Variants in WDR70 observed in about 807,000 individuals in gnomAD.
The protein encoded by WDR70 is WD repeat domain 70, also known as WD repeat-containing protein 70.
Under a neutral mutation model 88.6 loss-of-function variants are expected in WDR70, and 53 were observed. The observed-to-expected ratio is 0.60, with a 90% CI of 0.48 to 0.75. The LOEUF (loss-of-function observed/expected upper bound fraction) is 0.75. WDR70 is among the 30% of genes least tolerant of loss of function. The pLI is 0.00. For synonymous variants in WDR70, 280 were observed against 270.0 expected (o/e 1.04, Z -0.36); for missense variants, 610 against 823.2 (o/e 0.74, Z 3.17).
At chr5:37,686,435 G>A (rs1307620122) in intron 10 of WDR70, among the ~76,000 whole-genome samples, 1 of 151,854 alleles carries the variant, frequency 6.6e-6, no homozygotes, top group South Asian at 2.1e-4. Flanking sequence ...CAGGACCCAT[G>A]AGTAGTTGTT....
At chr5:37,567,716 A>T (rs1742784384) in intron 9 of WDR70, among the ~76,000 whole-genome samples, 1 of 151,764 alleles carries the variant, frequency 6.6e-6, no homozygotes, top group Admixed American at 6.6e-5. Context: ...GGGAGGGGGG[A>T]GATTTTTTTA....
At chr5:37,511,654 T>C (rs1029155077) in intron 8 of WDR70, among the ~76,000 whole-genome samples, 3 of 152,200 alleles carry the variant, frequency 2.0e-5, no homozygotes, top group African/African-American at 7.2e-5. Context: ...TATATACATA[T>C]ACAACAATTT....
chr5:37,574,714 G>GT (rs1390835561), intron 9 of WDR70, among the ~76,000 whole-genome samples: 1 of 152,222 alleles, frequency 6.6e-6, no homozygotes, highest in East Asian at 1.9e-4. Context: ...AAAACTCTTG[G>GT]TTTTCTTCTC....
At chr5:37,477,220 CTG>C (rs1425915290) in intron 7 of WDR70, among the ~76,000 whole-genome samples, 2 of 152,100 alleles carry the variant, frequency 1.3e-5, no homozygotes, top group Non-Finnish European at 2.9e-5. Context: ...CTGGAGAATT[CTG>C]TGTAGTATCT....
chr5:37,729,869 T>C (rs1462148181), intron 17 of WDR70, among the ~76,000 whole-genome samples: 3 of 152,140 alleles, frequency 2.0e-5, no homozygotes, highest in African/African-American at 7.2e-5. Flanking sequence ...CCTGCTCCCT[T>C]TTCCTATTCC....
At chr5:37,432,442 G>A (rs1166232200) in intron 5 of WDR70, among the ~76,000 whole-genome samples, 1 of 152,208 alleles carries the variant, frequency 6.6e-6, no homozygotes, top group Non-Finnish European at 1.5e-5. Flanking sequence ...AGGCTGGAGT[G>A]CAGTGGCGTG....
At chr5:37,745,012 G>T (rs1211636131) in intron 17 of WDR70, among the ~76,000 whole-genome samples, 3 of 151,986 alleles carry the variant, frequency 2.0e-5, no homozygotes, top group African/African-American at 7.3e-5. Flanking sequence ...ACTGTTAAGG[G>T]CAGCCAGAGA....
At chr5:37,496,586 A>G (rs527618013) in intron 8 of WDR70, among the ~76,000 whole-genome samples, 3 of 152,340 alleles carry the variant, frequency 2.0e-5, no homozygotes, top group East Asian at 3.9e-4. Context: ...GTCTTCTGCA[A>G]TAGGGGTAGT....
chr5:37,706,608 T>C (rs1475357935), intron 13 of WDR70, among the ~76,000 whole-genome samples: 1 of 152,138 alleles, frequency 6.6e-6, no homozygotes, highest in Non-Finnish European at 1.5e-5. Context: ...TCCACCATGA[T>C]TGTAAGGCCT....
At chr5:37,543,114 A>G (rs1051760982) in intron 9 of WDR70, among the ~76,000 whole-genome samples, 1 of 152,202 alleles carries the variant, frequency 6.6e-6, no homozygotes, top group South Asian at 2.1e-4. Context: ...GTCTCAGCTC[A>G]GGCCATCCTA....
intron 9 of WDR70, among the ~76,000 whole-genome samples, chr5:37,526,318 G>T (rs1056219410): frequency 2.0e-5 from 3 of 152,104 alleles, no homozygotes; most frequent in Non-Finnish European, 4.4e-5. Context: ...GGGATGCAAG[G>T]CTGGTTCAAC....
chr5:37,709,664 C>T (rs574728855), intron 13 of WDR70, among the ~76,000 whole-genome samples: 1 of 152,186 alleles, frequency 6.6e-6, no homozygotes, highest in Non-Finnish European at 1.5e-5. Context: ...GAGCCAACTT[C>T]TAGCATGGCT....
intron 7 of WDR70, among the ~76,000 whole-genome samples, chr5:37,462,414 T>C (rs1404265987): frequency 6.6e-6 from 1 of 152,180 alleles, no homozygotes; most frequent in African/African-American, 2.4e-5. Flanking sequence ...GCCATTCTCC[T>C]GCCTTAGCCT....
intron 5 of WDR70, among the ~76,000 whole-genome samples, chr5:37,407,344 G>A (rs753897624): frequency 6.6e-6 from 1 of 152,054 alleles, no homozygotes; most frequent in Non-Finnish European, 1.5e-5. Context: ...TCAACATGGC[G>A]AAACCCCATC....
intron 10 of WDR70, among the ~76,000 whole-genome samples, chr5:37,654,209 G>A (rs376423182): frequency 6.6e-6 from 1 of 152,176 alleles, no homozygotes; most frequent in Non-Finnish European, 1.5e-5. Context: ...TCACCCAGTA[G>A]TCATTCAGGC....
chr5:37,405,690 G>A, intron 5 of WDR70, among the ~76,000 whole-genome samples: 1 of 152,164 alleles, frequency 6.6e-6, no homozygotes, highest in Non-Finnish European at 1.5e-5. Flanking sequence ...TATTGAACAT[G>A]AATATAGAAT....
At chr5:37,488,323 T>G (rs963091513) in intron 8 of WDR70, among the ~76,000 whole-genome samples, 2 of 151,946 alleles carry the variant, frequency 1.3e-5, no homozygotes, top group Admixed American at 1.3e-4. Flanking sequence ...GCTATCTTCT[T>G]GTATCTGTAT....
chr5:37,459,203 A>C (rs1738922225), intron 7 of WDR70, among the ~76,000 whole-genome samples: 2 of 70,814 alleles, frequency 2.8e-5, no homozygotes, highest in Non-Finnish European at 6.2e-5. Context: ...AGTTTGTTAT[A>C]ATTTCTGTTC....
chr5:37,468,367 A>G (rs1739226610), intron 7 of WDR70, among the ~76,000 whole-genome samples: 1 of 152,186 alleles, frequency 6.6e-6, no homozygotes, highest in Admixed American at 6.5e-5. Flanking sequence ...TGTCCTAACA[A>G]TTACAAATAT....
Sources: allele counts gnomAD v4.1 joint callset (sites outside exome capture counted in the v4.1 genomes callset), GRCh38; gene constraint gnomAD v4.1.1; transcripts MANE v1.5; gene names NCBI Gene and HGNC (gene_info 2026-07-23, HGNC 2026-07-21).